Variants in EXOC6B observed in about 807,000 individuals in gnomAD.
EXOC6B encodes SEC15 homolog B.
EXOC6B carries 54 observed loss-of-function variants against 113.5 expected under a neutral mutation model. That is an observed-to-expected ratio of 0.48 (90% CI 0.38 to 0.60). The LOEUF is 0.60. Ranked by LOEUF, EXOC6B falls within the 20% of genes least tolerant of loss-of-function variation. EXOC6B has a pLI of 0.00. For synonymous variants in EXOC6B, 357 were observed against 339.0 expected, an observed-to-expected ratio of 1.05 and a Z score of -0.58; for missense variants, 797 against 977.5, an observed-to-expected ratio of 0.82 and a Z score of 2.46.
At chr2:72,664,672 G>C (rs1230498657) in intron 6 of EXOC6B, among the ~76,000 whole-genome samples, 9 of 152,220 alleles carry the variant, frequency 5.9e-5, no homozygotes. Context: ...ACTAAGCCAA[G>C]AGACAGCAGG....
chr2:72,311,471 C>T (rs565999772), intron 20 of EXOC6B, among the ~76,000 whole-genome samples: 3 of 152,180 alleles, frequency 2.0e-5, no homozygotes, highest in Admixed American at 2.0e-4. Flanking sequence ...GTTCCTCTCA[C>T]ACTTCAACTC....
intron 18 of EXOC6B, among the ~76,000 whole-genome samples, chr2:72,400,407 A>G: frequency 6.6e-6 from 1 of 152,114 alleles, no homozygotes; most frequent in Non-Finnish European, 1.5e-5. Context: ...AAAAGCAAAT[A>G]GAACAAAAAT....
At chr2:72,708,064 A>T (rs1220653025) in intron 6 of EXOC6B, among the ~76,000 whole-genome samples, 1 of 152,122 alleles carries the variant, frequency 6.6e-6, no homozygotes, top group Non-Finnish European at 1.5e-5. Flanking sequence ...CAAAAAAAAA[A>T]TTTAGAAAAT....
intron 6 of EXOC6B, among the ~76,000 whole-genome samples, chr2:72,650,563 C>T (rs1186852698): frequency 2.0e-5 from 3 of 150,336 alleles, no homozygotes; most frequent in Non-Finnish European, 4.4e-5. Context: ...CACTGCACTC[C>T]AGCCTGGGTA....
chr2:72,435,884 T>G (rs1353624730), intron 18 of EXOC6B, among the ~76,000 whole-genome samples: 2 of 152,186 alleles, frequency 1.3e-5, no homozygotes, highest in Non-Finnish European at 2.9e-5. Context: ...ATTGGGGCAT[T>G]TAGCCCATTT....
At chr2:72,407,743 C>T (rs577444359) in intron 18 of EXOC6B, among the ~76,000 whole-genome samples, 38 of 152,228 alleles carry the variant, frequency 2.5e-4, no homozygotes, top group Non-Finnish European at 2.8e-4. Flanking sequence ...CTATGACAAA[C>T]CCACAGCCAA....
intron 20 of EXOC6B, among the ~76,000 whole-genome samples, chr2:72,269,605 G>A (rs1003881565): frequency 1.3e-5 from 2 of 152,118 alleles, no homozygotes; most frequent in Non-Finnish European, 2.9e-5. Context: ...AAACCCAGCA[G>A]TTCAAGACCA....
chr2:72,677,768 T>C (rs1289132306), intron 6 of EXOC6B, among the ~76,000 whole-genome samples: 3 of 152,198 alleles, frequency 2.0e-5, no homozygotes, highest in Non-Finnish European at 4.4e-5. Context: ...TACTCAACAG[T>C]GCCTAACATG....
At chr2:72,387,216 A>G (rs1471014171) in intron 18 of EXOC6B, among the ~76,000 whole-genome samples, 3 of 152,212 alleles carry the variant, frequency 2.0e-5, no homozygotes, top group Non-Finnish European at 2.9e-5. Context: ...TTTTTAAAAT[A>G]TAATGCTGGA....
chr2:72,691,821 A>G (rs1677501994), intron 6 of EXOC6B, among the ~76,000 whole-genome samples: 1 of 151,174 alleles, frequency 6.6e-6, no homozygotes, highest in Admixed American at 6.6e-5. Context: ...AGCTGGGATT[A>G]CGGGTGCCCA....
chr2:72,690,119 C>A (rs569663803), intron 6 of EXOC6B, among the ~76,000 whole-genome samples: 6 of 152,250 alleles, frequency 3.9e-5, no homozygotes, highest in Admixed American at 3.3e-4. Context: ...GACCTACTTC[C>A]AAAAATGTCA....
At chr2:72,603,457 G>A (rs1488924348) in intron 6 of EXOC6B, among the ~76,000 whole-genome samples, 5 of 151,982 alleles carry the variant, frequency 3.3e-5, no homozygotes, top group Non-Finnish European at 7.4e-5. Flanking sequence ...GATTAGGAGT[G>A]AGGAGAAAAA....
intron 18 of EXOC6B, among the ~76,000 whole-genome samples, chr2:72,413,059 C>T (rs1694284458): frequency 1.3e-5 from 2 of 151,926 alleles, no homozygotes; most frequent in Non-Finnish European, 1.5e-5. Context: ...CCCGGGTTCA[C>T]GCCATTCTCC....
At chr2:72,565,956 T>C (rs1164570205) in intron 7 of EXOC6B, among the ~76,000 whole-genome samples, 1 of 151,986 alleles carries the variant, frequency 6.6e-6, no homozygotes, top group Non-Finnish European at 1.5e-5. Context: ...TCTGGGAAAC[T>C]ACCCTGAGGA....
intron 20 of EXOC6B, among the ~76,000 whole-genome samples, chr2:72,328,982 C>T (rs1449721323): frequency 6.6e-6 from 1 of 152,002 alleles, no homozygotes; most frequent in East Asian, 1.9e-4. Context: ...GTTTTATAGG[C>T]CATTATTTGA....
At chr2:72,256,998 A>G (rs971585161) in intron 20 of EXOC6B, among the ~76,000 whole-genome samples, 9 of 152,122 alleles carry the variant, frequency 5.9e-5, no homozygotes, top group African/African-American at 2.2e-4. Flanking sequence ...GTAACCCTCA[A>G]TATCCTTTGC....
At chr2:72,768,954 A>C (rs979066730) in intron 1 of EXOC6B, among the ~76,000 whole-genome samples, 79 of 152,164 alleles carry the variant, frequency 5.2e-4, no homozygotes, top group African/African-American at 1.8e-3. Context: ...CTCTACAAAA[A>C]AAAATTAGCC....
intron 5 of EXOC6B, among the ~76,000 whole-genome samples, chr2:72,724,622 G>T (rs950934348): frequency 2.0e-5 from 3 of 151,942 alleles, no homozygotes; most frequent in African/African-American, 4.8e-5. Context: ...TCTGCAGAAA[G>T]ATCTAAAAAA....
intron 19 of EXOC6B, among the ~76,000 whole-genome samples, chr2:72,368,665 C>G (rs563202977): frequency 1.3e-5 from 2 of 152,180 alleles, no homozygotes; most frequent in African/African-American, 4.8e-5. Flanking sequence ...GCTTATCTAC[C>G]ACAATCAAGT....
Sources: gnomAD v4.1 joint callset for allele counts (sites outside exome capture counted in the v4.1 genomes callset) on GRCh38, gnomAD v4.1.1 for gene constraint, MANE v1.5 for transcripts, NCBI Gene and HGNC (gene_info 2026-07-23, HGNC 2026-07-21) for gene names.